Variants in TTBK2 observed in about 807,000 individuals in gnomAD.
The protein encoded by TTBK2 is tau tubulin kinase 2.
Under a neutral mutation model 110.8 loss-of-function variants are expected in TTBK2, and 28 were observed. That is an observed-to-expected ratio of 0.25 (90% CI 0.19 to 0.35). TTBK2 has a LOEUF of 0.35. Ranked by LOEUF, TTBK2 falls within the 10% of genes least tolerant of loss-of-function variation. TTBK2 has a pLI of 1.00. For synonymous variants in TTBK2, 532 were observed against 527.3 expected (o/e 1.01, Z -0.12); for missense variants, 1,369 against 1,500.3 (o/e 0.91, Z 1.45).
In TTBK2 at chr15:42,753,110, A is replaced by G; in HGVS notation, c.2136T>C (p.Ser712=). The G allele has an allele frequency of 6.3e-7, 1 of 1,598,568 alleles. No individual in the cohort carries two copies. Among genetic ancestry groups the G allele is most frequent in the Non-Finnish European group, 8.5e-7 (1 of 1,173,848 alleles). The change falls in exon 14 of 15, where the codon TCT becomes TCC. Residue 712 remains serine (S), a synonymous_variant. Transcript: ENST00000267890. ...VELYSPRENF[S]GLVVTEGEPP... ...GTTCACCCTCTGTCACAACCAAGCC[A>G]GAGAAGTTTTCCCTTGGAGAGTAAA...
intron 3 of TTBK2, among the ~76,000 whole-genome samples, chr15:42,848,299 T>C (rs984868681): frequency 3.3e-5 from 5 of 152,148 alleles, no homozygotes; most frequent in African/African-American, 7.2e-5. Flanking sequence ...AGCTTCTCTA[T>C]AACTACAAAA....
At chr15:42,897,900 A>T (rs1033668581) in intron 1 of TTBK2, among the ~76,000 whole-genome samples, 69 of 152,072 alleles carry the variant, frequency 4.5e-4, no homozygotes, top group Non-Finnish European at 1.0e-4. Flanking sequence ...TCAAAAAAAG[A>T]GATAACCATC....
intron 3 of TTBK2, 68 bp downstream of exon 3, chr15:42,872,543 C>G: frequency 6.4e-7 from 1 of 1,555,918 alleles, no homozygotes; most frequent in Non-Finnish European, 8.8e-7. Flanking sequence ...AATTAAGGTT[C>G]AGGAAGATAC....
At chr15:42,804,058 G>A (rs1286312357) in intron 9 of TTBK2, among the ~76,000 whole-genome samples, 2 of 146,466 alleles carry the variant, frequency 1.4e-5, no homozygotes, top group African/African-American at 5.0e-5. Flanking sequence ...AGCAAATGCA[G>A]CATCACTGTG....
Position 42,883,843 on chromosome 15 carries a change from T to C in TTBK2, c.-67-5159A>G, listed in dbSNP as rs138879321. ...TAAGAAACTCACTTCAAAAATAATA[T>C]GTAGGTTAAAGTGAATATACTTAAA... On this transcript the variant is annotated intron_variant, in intron 1 of 14. Transcript: ENST00000267890. Among the ~76,000 whole-genome samples the C allele has an allele frequency of 2.6e-3, 391 of 152,106 alleles. 4 individuals carry two copies. The highest frequency in any genetic ancestry group is 8.8e-3 in the African/African-American group (367 of 41,520).
At chr15:42,781,467 T>G (rs1238911135) in intron 11 of TTBK2, among the ~76,000 whole-genome samples, 2 of 152,188 alleles carry the variant, frequency 1.3e-5, no homozygotes, top group African/African-American at 2.4e-5. Context: ...AGGTAGGATT[T>G]AGACTATTGA....
intron 6 of TTBK2, among the ~76,000 whole-genome samples, chr15:42,818,464 A>T (rs1009967142): frequency 1.3e-5 from 2 of 152,074 alleles, no homozygotes; most frequent in Non-Finnish European, 2.9e-5. Context: ...TCACGCCTGT[A>T]ATCCCAGCAC....
rs1371983191 is a variant in TTBK2, at chr15:42,834,937, AT to A, written c.292-4860del. On this transcript the variant is annotated intron_variant, in intron 4 of 14. Transcript: ENST00000267890. ...ACATGTTAAATCCATGAATTTATGG[AT>A]TTATTATATAGTTATATATTTATTA... is the stretch of plus-strand genomic sequence containing the variant. Among the ~76,000 whole-genome samples the A allele has an allele frequency of 3.9e-5, 6 of 152,306 alleles. No homozygotes were observed. In the East Asian group the frequency reaches 1.2e-3, roughly 29 times the overall value.
intron 1 of TTBK2, among the ~76,000 whole-genome samples, chr15:42,908,484 T>C (rs143130461): frequency 1.3e-5 from 2 of 152,280 alleles, no homozygotes; most frequent in African/African-American, 4.8e-5. Context: ...ACAAAAAGTA[T>C]AGATTAGTTC....
In TTBK2 at chr15:42,740,990, T is replaced by C. The variant is rs2061746614; in HGVS notation, c.*4805A>G. 1 of 152,268 alleles carries C rather than the reference T, an allele frequency of 6.6e-6. No individual in the cohort carries two copies. The highest frequency in any genetic ancestry group is 2.4e-5 in the African/African-American group (1 of 41,472). The allele number at this position is 152,268 out of a possible 1,614,324, so 9.4% of individuals were successfully genotyped here. On this transcript the variant is annotated 3_prime_UTR_variant, in exon 15 of 15. Coordinates refer to ENST00000267890, the MANE Select transcript of TTBK2 (RefSeq NM_173500.4). Reference sequence around the variant, plus strand: ...GCATCCAGATTCCCCTTTATGTGGATAGGGATCCCTGTGCCATGTCTTGCA... The same window carrying C: ...GCATCCAGATTCCCCTTTATGTGGACAGGGATCCCTGTGCCATGTCTTGCA...
intron 2 of TTBK2, among the ~76,000 whole-genome samples, chr15:42,876,093 C>A (rs1401220454): frequency 6.6e-6 from 1 of 151,994 alleles, no homozygotes; most frequent in Non-Finnish European, 1.5e-5. Flanking sequence ...AAACAATCTT[C>A]CTAGTGCCAC....
intron 3 of TTBK2, among the ~76,000 whole-genome samples, chr15:42,853,573 C>T (rs531784433): frequency 1.3e-5 from 2 of 152,168 alleles, no homozygotes; most frequent in East Asian, 3.9e-4. Flanking sequence ...GGATGGTACA[C>T]TGAAAAATGA....
intron 4 of TTBK2, among the ~76,000 whole-genome samples, chr15:42,832,626 G>A (rs1211731139): frequency 1.3e-5 from 2 of 152,250 alleles, no homozygotes; most frequent in African/African-American, 2.4e-5. Context: ...ACAGTCAACC[G>A]TGGTCCGAAT....
intron 9 of TTBK2, among the ~76,000 whole-genome samples, chr15:42,805,098 T>C (rs1385755307): frequency 6.6e-6 from 1 of 152,212 alleles, no homozygotes; most frequent in African/African-American, 2.4e-5. Flanking sequence ...GTTTCAGACA[T>C]ACATTGACTG....
intron 3 of TTBK2, among the ~76,000 whole-genome samples, chr15:42,861,577 G>C (rs564051852): frequency 5.1e-4 from 78 of 152,176 alleles, no homozygotes; most frequent in African/African-American, 1.9e-3. Flanking sequence ...CAAAATATTT[G>C]GGATGCAGTT....
chr15:42,791,780 ATTTATC>A (rs1354906610), intron 10 of TTBK2, among the ~76,000 whole-genome samples: 5 of 151,976 alleles, frequency 3.3e-5, no homozygotes, highest in African/African-American at 4.8e-5. Context: ...TATTCTTTAT[ATTTATC>A]TTTATTTCTT....
rs757908800 is a variant in TTBK2 at position 42,801,078 on chromosome 15, C to A, written c.823-6277G>T. ...GTGGCTGAAGGAGCTGGAGCCCATG[C>A]CAGAGCCAAAGCTGGAGCCCAGGCC... is the stretch of plus-strand genomic sequence containing the variant. On this transcript the variant is annotated intron_variant, in intron 9 of 14. Transcript: ENST00000267890. 3 of 786,928 alleles carry A rather than the reference C, an allele frequency of 3.8e-6. No individual in the cohort carries two copies. In the African/African-American group the frequency reaches 5.0e-5, roughly 13 times the overall value. 48.7% of individuals were successfully genotyped at this position (786,928 alleles called of 1,614,324 possible). A position where few individuals can be genotyped will look rare whatever the true frequency, so the allele number is the denominator to read the frequency against.
Position 42,745,991 on chromosome 15 carries a change from C to T in TTBK2, c.3539G>A (p.Ser1180Asn), listed in dbSNP as rs200469913. 148 of 1,614,028 alleles carry T rather than the reference C, an allele frequency of 9.2e-5. No individual in the cohort carries two copies. The highest frequency in any genetic ancestry group is 3.3e-4 in the Middle Eastern group (2 of 6,084). ...RAGRPHHDQR[S>N]SSPHLGRSKS... ...GCTTCTCCCCAGATGTGGGGACGAA[C>T]TCCTCTGGTCATGGTGGGGCCGTCC... Residue 1180 changes from serine (S) to asparagine (N), a missense_variant, in exon 15 of 15, where the codon AGT becomes AAT. By Grantham distance (46) the Ser-to-Asn change is conservative (BLOSUM62 1). Around this residue, in one of 4 missense-constraint regions of TTBK2, gnomAD observed 1,097 missense variants for 1,114.7 expected, o/e 0.98. Transcript: ENST00000267890.
At chr15:42,867,365 A>C (rs1394747971) in intron 3 of TTBK2, among the ~76,000 whole-genome samples, 2 of 152,130 alleles carry the variant, frequency 1.3e-5, no homozygotes, top group African/African-American at 4.8e-5. Flanking sequence ...AATAATAAAA[A>C]TTAGAGCAGA....
Sources: allele counts gnomAD v4.1 joint callset (sites outside exome capture counted in the v4.1 genomes callset), GRCh38; gene constraint gnomAD v4.1.1; regional missense constraint gnomAD v4.1.1; transcripts MANE v1.5; gene names NCBI Gene and HGNC (gene_info 2026-07-23, HGNC 2026-07-21).